NLN: variants seen among roughly 807,000 people sequenced by gnomAD.
The protein encoded by NLN is neurolysin, also known as neurolysin, mitochondrial.
Under a neutral mutation model 79.9 loss-of-function variants are expected in NLN, and 64 were observed. The ratio of observed to expected loss-of-function variants is 0.80; its 90% CI spans 0.65 to 0.99. NLN has a LOEUF of 0.99. NLN is among the 50% of genes least tolerant of loss of function. The pLI is 0.00. For missense variants in NLN, 835 were observed against 858.7 expected (o/e 0.97, Z 0.34); for synonymous variants, 267 against 296.6 (o/e 0.90, Z 1.02).
At position 65,810,123 on chromosome 5, in the gene NLN, G is replaced by A. The variant is rs1760511750; in HGVS notation, c.1801G>A (p.Ala601Thr). The change falls in exon 11 of 13, where the codon GCC becomes ACC. Residue 601 changes from alanine to threonine, a missense_variant. Physicochemically the swap from Ala to Thr is moderately conservative, Grantham distance 58 (BLOSUM62 0). Transcript: ENST00000380985. ...NTSLDAASEY[A>T]KYCSEILGVA... The stretch of plus-strand genomic sequence containing the variant: ...ATCGCTGGATGCTGCAAGTGAATAT[G>A]CCAAATACTGCTCAGAAATATTAGG... 6.2e-7 allele frequency: 1 copy of A among 1,613,786 alleles called. No homozygotes were observed. The highest frequency in any genetic ancestry group is 8.5e-7 in the Non-Finnish European group (1 of 1,179,698).
chr5:65,771,184 A>C (rs540250154), intron 3 of NLN, among the ~76,000 whole-genome samples: 10 of 152,198 alleles, frequency 6.6e-5, no homozygotes, highest in Non-Finnish European at 1.5e-4. Flanking sequence ...AAAAAAAAAG[A>C]GAAAAAGCAG....
At chr5:65,746,443 G>C (rs1758980010) in intron 1 of NLN, among the ~76,000 whole-genome samples, 1 of 152,184 alleles carries the variant, frequency 6.6e-6, no homozygotes, top group Admixed American at 6.5e-5. Flanking sequence ...GAAATCACTG[G>C]GGACCTTGGT....
At chr5:65,726,113 A>C (rs1290450869) in intron 1 of NLN, among the ~76,000 whole-genome samples, 1 of 29,072 alleles carries the variant, frequency 3.4e-5, no homozygotes, top group African/African-American at 1.1e-4. Flanking sequence ...CTCCGTCTCA[A>C]AAAAAAAAAA....
intron 8 of NLN, among the ~76,000 whole-genome samples, chr5:65,788,965 C>G (rs1277416436): frequency 7.0e-6 from 1 of 141,944 alleles, no homozygotes; most frequent in Non-Finnish European, 1.5e-5. Context: ...GAGTGAGACC[C>G]TGTCTCAAAA....
At chr5:65,726,005 G>A (rs928789914) in intron 1 of NLN, among the ~76,000 whole-genome samples, 6 of 152,004 alleles carry the variant, frequency 3.9e-5, no homozygotes, top group South Asian at 2.1e-4. Flanking sequence ...CCAACTACTC[G>A]GGAGGCTGAG....
At chr5:65,748,406 G>A (rs1276273528) in intron 1 of NLN, among the ~76,000 whole-genome samples, 3 of 152,168 alleles carry the variant, frequency 2.0e-5, no homozygotes, top group Non-Finnish European at 4.4e-5. Flanking sequence ...TTTCTGAGGA[G>A]CATCTCCAAG....
chr5:65,801,877 G>A (rs1021422259), intron 9 of NLN, among the ~76,000 whole-genome samples: 1 of 151,946 alleles, frequency 6.6e-6, no homozygotes, highest in African/African-American at 2.4e-5. Context: ...ACACATTTTT[G>A]TTGTCATTTG....
chr5:65,821,361 C>T lies in NLN; in HGVS notation c.1981-1420C>T, dbSNP rs1005692507. Among the ~76,000 whole-genome samples the T allele has an allele frequency of 8.5e-5, 13 of 152,178 alleles. 1 individual carries two copies. Among genetic ancestry groups the T allele is most frequent in the Admixed American group, 5.9e-4 (9 of 15,292 alleles). The stretch of plus-strand genomic sequence containing the variant: ...ATGGTAGCCACGTGTAGCTGTTGAG[C>T]GCTTGAAATGAGGCTAAGTACAACT... On this transcript the variant is annotated intron_variant, in intron 12 of 12. Coordinates refer to ENST00000380985, the MANE Select transcript of NLN (RefSeq NM_020726.5).
intron 12 of NLN, among the ~76,000 whole-genome samples, chr5:65,816,328 A>G (rs1236120840): frequency 1.3e-5 from 2 of 152,206 alleles, no homozygotes; most frequent in African/African-American, 4.8e-5. Flanking sequence ...GAGCTAAATG[A>G]TGCGAACACA....
chr5:65,802,807 C>T (rs1760317198), intron 9 of NLN, among the ~76,000 whole-genome samples: 1 of 152,104 alleles, frequency 6.6e-6, no homozygotes, highest in Non-Finnish European at 1.5e-5. Flanking sequence ...GTGGATAGCT[C>T]CTCTCCACAG....
chr5:65,722,714 A>G, intron 1 of NLN: 1 of 431,858 alleles, frequency 2.3e-6, no homozygotes, highest in Non-Finnish European at 4.2e-6. Context: ...TAGTTTGGAT[A>G]AGAAAATCAT....
At chr5:65,812,053 A>G (rs548441752) in intron 11 of NLN, among the ~76,000 whole-genome samples, 2 of 152,308 alleles carry the variant, frequency 1.3e-5, no homozygotes, top group East Asian at 3.9e-4. Context: ...GGCCGAAACC[A>G]GCTCTGAGGT....
chr5:65,780,591 A>T (rs1759779183), intron 5 of NLN, among the ~76,000 whole-genome samples: 10 of 151,884 alleles, frequency 6.6e-5, no homozygotes, highest in Admixed American at 6.6e-4. Context: ...TCAGTGCCTT[A>T]AAATTTTTTT....
At chr5:65,725,058 GC>G (rs1354910975) in intron 1 of NLN, among the ~76,000 whole-genome samples, 7 of 152,162 alleles carry the variant, frequency 4.6e-5, no homozygotes, top group Admixed American at 2.6e-4. Flanking sequence ...GCCTGTCTCG[GC>G]CTCCCAAAGT....
intron 1 of NLN, among the ~76,000 whole-genome samples, chr5:65,730,262 G>T (rs1758577316): frequency 6.6e-6 from 1 of 152,180 alleles, no homozygotes; most frequent in South Asian, 2.1e-4. Flanking sequence ...AGTACCGATA[G>T]GAAGGAAATT....
intron 6 of NLN, among the ~76,000 whole-genome samples, chr5:65,785,410 T>C (rs1759897640): frequency 1.3e-5 from 2 of 152,142 alleles, no homozygotes; most frequent in South Asian, 4.1e-4. Context: ...TTTACCACAA[T>C]AAAAATGTCC....
Position 65,823,592 on chromosome 5 carries a change from G to A in NLN, c.*677G>A, listed in dbSNP as rs1056339787. 1.3e-5 allele frequency: 2 copies of A among 152,284 alleles called. No individual in the cohort carries two copies. Among genetic ancestry groups the A allele is most frequent in the Admixed American group, 1.3e-4 (2 of 15,290 alleles). 9.4% of individuals were successfully genotyped at this position (152,284 alleles called of 1,614,324 possible). A position where few individuals can be genotyped will look rare whatever the true frequency, so the allele number is the denominator to read the frequency against. On this transcript the variant is annotated 3_prime_UTR_variant, in exon 13 of 13. Coordinates refer to ENST00000380985, the MANE Select transcript of NLN (RefSeq NM_020726.5). ...TATGTTTCAGCTAGACTGGTGTAAT[G>A]TATAAGTTTTTGTATCTTGTATTAG...
At chr5:65,760,431 T>C (rs1299280659) in intron 2 of NLN, among the ~76,000 whole-genome samples, 5 of 152,226 alleles carry the variant, frequency 3.3e-5, no homozygotes, top group Non-Finnish European at 5.9e-5. Flanking sequence ...CAACTTCATG[T>C]GCGTGTACCA....
chr5:65,727,471 A>C (rs1481905924), intron 1 of NLN, among the ~76,000 whole-genome samples: 1 of 152,112 alleles, frequency 6.6e-6, no homozygotes, highest in Non-Finnish European at 1.5e-5. Flanking sequence ...TGCCTGGCCC[A>C]GGTTCCTTAT....
Sources: allele counts gnomAD v4.1 joint callset (sites outside exome capture counted in the v4.1 genomes callset), GRCh38; gene constraint gnomAD v4.1.1; transcripts MANE v1.5; gene names NCBI Gene and HGNC (gene_info 2026-07-23, HGNC 2026-07-21).